AFG2A: variants seen among roughly 807,000 people sequenced by gnomAD.
The protein encoded by AFG2A is AAA ATPase AFG2A.
chr4:123,256,314 A>C, the AFG2A span: 3 of 973,442 alleles, frequency 3.1e-6, no homozygotes, highest in South Asian at 1.8e-5. Flanking sequence ...AGTGCAGTAC[A>C]TGACATAGTC....
At chr4:123,122,245 A>G in the AFG2A span, among the ~76,000 whole-genome samples, 1 of 152,212 alleles carries the variant, frequency 6.6e-6, no homozygotes, top group African/African-American at 2.4e-5. Flanking sequence ...AGATATACAG[A>G]TACTCCTCAA....
chr4:123,100,991 C>T, the AFG2A span, among the ~76,000 whole-genome samples: 1 of 151,940 alleles, frequency 6.6e-6, no homozygotes, highest in African/African-American at 2.4e-5. Flanking sequence ...TTTATTCTTA[C>T]TAAATTCATC....
the AFG2A span, among the ~76,000 whole-genome samples, chr4:123,034,585 G>A: frequency 0.021 from 1,772 of 83,204 alleles, 43 homozygotes; most frequent in African/African-American, 0.063. Flanking sequence ...AAAAAAAAAA[G>A]GACATTAGGG....
chr4:123,174,987 A>G, the AFG2A span, among the ~76,000 whole-genome samples: 11 of 151,846 alleles, frequency 7.2e-5, no homozygotes, highest in African/African-American at 2.7e-4. Context: ...GCATGCCACC[A>G]TGCTTGGCTG....
chr4:123,268,364 A>C, the AFG2A span, among the ~76,000 whole-genome samples: 1 of 152,180 alleles, frequency 6.6e-6, no homozygotes, highest in Non-Finnish European at 1.5e-5. Context: ...CCAGAAAGTC[A>C]AACAAAAAGA....
At chr4:122,949,481 C>T in the AFG2A span, among the ~76,000 whole-genome samples, 1 of 152,084 alleles carries the variant, frequency 6.6e-6, no homozygotes, top group Non-Finnish European at 1.5e-5. Context: ...AGGCCCACAG[C>T]GGAGGAGAGG....
the AFG2A span, chr4:122,935,884 T>C: frequency 2.4e-5 from 37 of 1,530,738 alleles, no homozygotes; most frequent in Non-Finnish European, 2.6e-6. Context: ...CTATTAAATA[T>C]ATTTCTAAAA....
the AFG2A span, among the ~76,000 whole-genome samples, chr4:123,052,021 A>T: frequency 6.6e-6 from 1 of 152,028 alleles, no homozygotes; most frequent in Non-Finnish European, 1.5e-5. Flanking sequence ...TATTTCTTTG[A>T]ATAAGCTTTC....
At chr4:123,111,548 A>G in the AFG2A span, among the ~76,000 whole-genome samples, 3 of 152,154 alleles carry the variant, frequency 2.0e-5, no homozygotes, top group Non-Finnish European at 4.4e-5. Context: ...CACTTCATCA[A>G]ATGCCTCCCT....
At chr4:122,985,992 G>A in the AFG2A span, among the ~76,000 whole-genome samples, 9 of 151,564 alleles carry the variant, frequency 5.9e-5, no homozygotes, top group Admixed American at 3.3e-4. Flanking sequence ...CATTCAGTTC[G>A]AAGAATTTTT....
At chr4:123,047,525 C>G in the AFG2A span, among the ~76,000 whole-genome samples, 1 of 151,990 alleles carries the variant, frequency 6.6e-6, no homozygotes, top group Non-Finnish European at 1.5e-5. Flanking sequence ...TGTCTCTTCA[C>G]TTTCTTAATT....
chr4:123,255,958 T>G, the AFG2A span: 234 of 1,582,244 alleles, frequency 1.5e-4, no homozygotes, highest in Non-Finnish European at 1.9e-4. Context: ...TAGGTATCTT[T>G]GAGATGGAAT....
At chr4:123,310,876 A>G in the AFG2A span, among the ~76,000 whole-genome samples, 1 of 152,228 alleles carries the variant, frequency 6.6e-6, no homozygotes, top group East Asian at 1.9e-4. Flanking sequence ...AAATAAAAAG[A>G]AACAGAGTAA....
At chr4:123,043,937 A>G in the AFG2A span, among the ~76,000 whole-genome samples, 1 of 152,224 alleles carries the variant, frequency 6.6e-6, no homozygotes, top group Admixed American at 6.5e-5. Flanking sequence ...AAATATCTTG[A>G]GCATTCAGAA....
the AFG2A span, among the ~76,000 whole-genome samples, chr4:123,207,867 T>C: frequency 6.6e-6 from 1 of 152,208 alleles, no homozygotes. Context: ...CAAAGTGATC[T>C]ATGGGTTCAG....
the AFG2A span, among the ~76,000 whole-genome samples, chr4:123,143,559 G>A: frequency 2.0e-5 from 3 of 151,976 alleles, no homozygotes; most frequent in Non-Finnish European, 4.4e-5. Flanking sequence ...AAATAACTAA[G>A]TACAGTATTT....
At chr4:123,089,639 C>T in the AFG2A span, among the ~76,000 whole-genome samples, 1 of 151,932 alleles carries the variant, frequency 6.6e-6, no homozygotes, top group African/African-American at 2.4e-5. Flanking sequence ...GGCTGGAGTG[C>T]AGTGGCGTGA....
At chr4:123,118,005 A>G in the AFG2A span, among the ~76,000 whole-genome samples, 3 of 152,028 alleles carry the variant, frequency 2.0e-5, no homozygotes, top group African/African-American at 7.2e-5. Flanking sequence ...AAATTGTTTC[A>G]CTTATAAATG....
chr4:123,295,673 G>C, the AFG2A span, among the ~76,000 whole-genome samples: 1 of 152,238 alleles, frequency 6.6e-6, no homozygotes, highest in Non-Finnish European at 1.5e-5. Context: ...TTGAGAAACA[G>C]AAAGTTCTAG....
Sources: gnomAD v4.1 joint callset for allele counts (sites outside exome capture counted in the v4.1 genomes callset) on GRCh38, gnomAD v4.1.1 for gene constraint, MANE v1.5 for transcripts, NCBI Gene and HGNC (gene_info 2026-07-23, HGNC 2026-07-21) for gene names.